Variants in DGKB observed in about 807,000 individuals in gnomAD.
DGKB encodes 90 kDa diacylglycerol kinase.
A neutral mutation model predicts 114.3 loss-of-function variants in DGKB; 67 were observed. The ratio of observed to expected loss-of-function variants is 0.59; its 90% CI spans 0.48 to 0.72. DGKB has a LOEUF of 0.72. Ranked by LOEUF, DGKB falls within the 30% of genes least tolerant of loss-of-function variation. The pLI is 0.00. For synonymous variants in DGKB, 398 were observed against 323.1 expected (o/e 1.23, Z -2.49); for missense variants, 907 against 975.2 (o/e 0.93, Z 0.93).
chr7:14,506,420 A>T (rs1274054173), intron 20 of DGKB, among the ~76,000 whole-genome samples: 1 of 152,202 alleles, frequency 6.6e-6, no homozygotes, highest in Non-Finnish European at 1.5e-5. Context: ...GCTATAAAAC[A>T]TTTATTAAAA....
chr7:14,368,941 T>C (rs911926715), intron 21 of DGKB, among the ~76,000 whole-genome samples: 19 of 151,954 alleles, frequency 1.3e-4, no homozygotes, highest in Admixed American at 1.1e-3. Flanking sequence ...TGTTTTTGTT[T>C]TTCAATTTCT....
At chr7:14,644,151 T>C (rs1472754662) in intron 13 of DGKB, among the ~76,000 whole-genome samples, 1 of 151,720 alleles carries the variant, frequency 6.6e-6, no homozygotes, top group African/African-American at 2.4e-5. Flanking sequence ...AATACATTAC[T>C]GTACCTACCT....
intron 2 of DGKB, among the ~76,000 whole-genome samples, chr7:14,814,464 T>C (rs1039528372): frequency 1.3e-5 from 2 of 152,206 alleles, no homozygotes; most frequent in East Asian, 1.9e-4. Flanking sequence ...TGTAGTCACT[T>C]TGAGTCAGGA....
At chr7:14,315,745 A>T (rs901841987) in intron 23 of DGKB, among the ~76,000 whole-genome samples, 127 of 151,306 alleles carry the variant, frequency 8.4e-4, no homozygotes, top group African/African-American at 2.9e-3. Flanking sequence ...GTCAACAAGG[A>T]TACCCAGGAA....
intron 20 of DGKB, among the ~76,000 whole-genome samples, chr7:14,550,821 T>A (rs1033459448): frequency 6.6e-6 from 1 of 152,136 alleles, no homozygotes; most frequent in African/African-American, 2.4e-5. Context: ...GCTTCTAAAA[T>A]TATATCACAG....
intron 23 of DGKB, 66 bp downstream of exon 23, chr7:14,338,449 A>G (rs1811067948): frequency 1.0e-6 from 1 of 987,124 alleles, no homozygotes; most frequent in African/African-American, 1.7e-5. Flanking sequence ...AAGACTCTTT[A>G]CTTTTAAAGA....
intron 23 of DGKB, 113 bp downstream of exon 23, chr7:14,338,402 C>G: frequency 3.5e-6 from 2 of 563,398 alleles, no homozygotes; most frequent in Non-Finnish European, 5.7e-6. Flanking sequence ...ATGAAAAATA[C>G]AACTGTAAAA....
At chr7:14,549,527 A>G (rs1794807969) in intron 20 of DGKB, among the ~76,000 whole-genome samples, 1 of 152,154 alleles carries the variant, frequency 6.6e-6, no homozygotes, top group African/African-American at 2.4e-5. Context: ...ATTAAATACA[A>G]CATTTACTAT....
chr7:14,173,551 G>C (rs1781320250), intron 25 of DGKB, among the ~76,000 whole-genome samples: 1 of 152,070 alleles, frequency 6.6e-6, no homozygotes, highest in Admixed American at 6.6e-5. Flanking sequence ...ATTATGTCTA[G>C]AGCAATTCTT....
At chr7:14,562,879 G>A (rs1796873976) in intron 20 of DGKB, among the ~76,000 whole-genome samples, 1 of 152,128 alleles carries the variant, frequency 6.6e-6, no homozygotes, top group Admixed American at 6.5e-5. Context: ...AGGCATGATT[G>A]TGTTTTGAAA....
intron 23 of DGKB, among the ~76,000 whole-genome samples, chr7:14,216,386 A>G (rs1317006531): frequency 3.3e-5 from 5 of 152,066 alleles, no homozygotes; most frequent in Non-Finnish European, 7.4e-5. Flanking sequence ...TTTGGTTTAA[A>G]TATTATTATG....
chr7:14,671,582 G>T (rs1818971351), intron 13 of DGKB, among the ~76,000 whole-genome samples: 1 of 152,058 alleles, frequency 6.6e-6, no homozygotes, highest in African/African-American at 2.4e-5. Flanking sequence ...ATAATAAAAA[G>T]AATACACCTT....
intron 1 of DGKB, among the ~76,000 whole-genome samples, chr7:14,898,129 A>T (rs773018058): frequency 3.3e-5 from 5 of 152,026 alleles, no homozygotes; most frequent in Non-Finnish European, 5.9e-5. Context: ...GATACCTCAA[A>T]GTGTCATGAT....
chr7:14,336,169 G>A (rs1034576719), intron 23 of DGKB, among the ~76,000 whole-genome samples: 1 of 152,124 alleles, frequency 6.6e-6, no homozygotes, highest in Non-Finnish European at 1.5e-5. Context: ...GTATAACATT[G>A]AAGAATTAGC....
intron 2 of DGKB, among the ~76,000 whole-genome samples, chr7:14,835,224 G>C (rs1301441209): frequency 6.6e-6 from 1 of 152,076 alleles, no homozygotes; most frequent in Non-Finnish European, 1.5e-5. Context: ...TTTCTGGTAA[G>C]TCAAAACATT....
intron 13 of DGKB, among the ~76,000 whole-genome samples, chr7:14,670,515 G>C (rs1309849437): frequency 6.6e-6 from 1 of 151,822 alleles, no homozygotes; most frequent in Admixed American, 6.6e-5. Context: ...TGTTGGCCAG[G>C]GGGGGTCTTG....
chr7:14,513,948 A>G (rs1788374838), intron 20 of DGKB, among the ~76,000 whole-genome samples: 1 of 152,066 alleles, frequency 6.6e-6, no homozygotes, highest in African/African-American at 2.4e-5. Flanking sequence ...TGGTCTACTG[A>G]CATTTCTAGC....
At chr7:14,416,520 C>G (rs1825751957) in intron 21 of DGKB, among the ~76,000 whole-genome samples, 1 of 152,042 alleles carries the variant, frequency 6.6e-6, no homozygotes, top group Admixed American at 6.6e-5. Flanking sequence ...AATTGTAGCT[C>G]CCATAATTCC....
chr7:14,178,431 C>T (rs192422079), intron 23 of DGKB, among the ~76,000 whole-genome samples: 2 of 147,714 alleles, frequency 1.4e-5, no homozygotes, highest in Non-Finnish European at 3.0e-5. Context: ...AAAAAAAACC[C>T]AGTAGTTTTT....
Sources: gnomAD v4.1 joint callset for allele counts (sites outside exome capture counted in the v4.1 genomes callset) on GRCh38, gnomAD v4.1.1 for gene constraint, MANE v1.5 for transcripts, NCBI Gene and HGNC (gene_info 2026-07-23, HGNC 2026-07-21) for gene names.